Variants in SLC35E3 observed in about 807,000 individuals in gnomAD.
SLC35E3 encodes bladder cancer-overexpressed gene 1 protein.
In SLC35E3, 28 loss-of-function variants were observed where a neutral mutation model predicts 30.8. That is an observed-to-expected ratio of 0.91 (90% CI 0.67 to 1.25). The LOEUF (loss-of-function observed/expected upper bound fraction) is 1.25. Among genes scored for constraint, SLC35E3 ranks in the 50% most tolerant of loss-of-function variants. SLC35E3 has a pLI of 0.00. For synonymous variants in SLC35E3, 146 were observed against 149.2 expected (o/e 0.98, Z 0.16); for missense variants, 365 against 375.4 (o/e 0.97, Z 0.23).
rs1454808266 is a variant in SLC35E3, at chr12:68,770,281, C to T, written c.*5391C>T. ...AGATAGACCTCAGGCCATACAATAC[C>T]TGGAGGCTATGGTAAGCATCTTTAG... is the stretch of plus-strand genomic sequence containing the variant. On this transcript the variant is annotated 3_prime_UTR_variant, in exon 5 of 5. Transcript: ENST00000398004. 6.6e-6 allele frequency: 1 copy of T among 152,140 alleles called. No individual in the cohort carries two copies. The highest frequency in any genetic ancestry group is 1.5e-5 in the Non-Finnish European group (1 of 68,052). 9.4% of individuals were successfully genotyped at this position (152,140 alleles called of 1,614,324 possible). A position where few individuals can be genotyped will look rare whatever the true frequency, so the allele number is the denominator to read the frequency against.
intron 3 of SLC35E3, among the ~76,000 whole-genome samples, chr12:68,757,441 A>G (rs922407083): frequency 6.6e-6 from 1 of 152,186 alleles, no homozygotes; most frequent in Non-Finnish European, 1.5e-5. Flanking sequence ...TGATTCTATA[A>G]CTTTTTGGAT....
chr12:68,747,907 C>A, intron 1 of SLC35E3, 23 bp from the exon 2 acceptor site: 1 of 1,266,058 alleles, frequency 7.9e-7, no homozygotes, highest in Non-Finnish European at 1.1e-6. Context: ...ATCTGAACAA[C>A]ATTTACCTCT....
In SLC35E3 at chr12:68,773,286, A is replaced by G. The variant is rs761990556; in HGVS notation, c.*8396A>G. ...CCTTAATTCAGGAGGTGGGAGGCTC[A>G]AAATCAATTACTCTGTTGAGGAGAT... On this transcript the variant is annotated 3_prime_UTR_variant, in exon 5 of 5. Transcript: ENST00000398004. 3.3e-5 allele frequency: 5 copies of G among 152,240 alleles called. No homozygotes were observed. The highest frequency in any genetic ancestry group is 5.9e-5 in the Non-Finnish European group (4 of 68,070). The allele number at this position is 152,240 out of a possible 1,614,324, so 9.4% of individuals were successfully genotyped here. A position where few individuals can be genotyped will look rare whatever the true frequency, so the allele number is the denominator to read the frequency against.
Position 68,779,073 on chromosome 12 carries a change from T to A in SLC35E3, c.*14183T>A, listed in dbSNP as rs1490685974. 1 of 152,270 alleles carries A rather than the reference T, an allele frequency of 6.6e-6. No homozygotes were observed. Among genetic ancestry groups the A allele is most frequent in the Non-Finnish European group, 1.5e-5 (1 of 68,192 alleles). The allele number at this position is 152,270 out of a possible 1,614,324, so 9.4% of individuals were successfully genotyped here. A position where few individuals can be genotyped will look rare whatever the true frequency, so the allele number is the denominator to read the frequency against. Reference sequence around the variant, plus strand: ...TGAGCCACTGCACTCCAGACTGCATTCCAGCCTGGGCGACAGAACAAGACT... The same window carrying A: ...TGAGCCACTGCACTCCAGACTGCATACCAGCCTGGGCGACAGAACAAGACT... On this transcript the variant is annotated 3_prime_UTR_variant, in exon 5 of 5. Coordinates refer to ENST00000398004, the MANE Select transcript of SLC35E3 (RefSeq NM_018656.5).
intron 1 of SLC35E3, 45 bp downstream of exon 1, chr12:68,746,824 T>C: frequency 2.6e-6 from 4 of 1,519,218 alleles, no homozygotes; most frequent in Non-Finnish European, 2.6e-6. Flanking sequence ...CCGACCCACC[T>C]CCTGCACTGG....
Position 68,746,560 on chromosome 12 carries a change from C to T in SLC35E3, c.183C>T (p.Cys61=). The T allele has an allele frequency of 6.2e-7, 1 of 1,614,168 alleles. No individual in the cohort carries two copies. Among genetic ancestry groups the T allele is most frequent in the South Asian group, 1.1e-5 (1 of 91,082 alleles). ...FVVTWLGLYI[C]QKLDIFAPKS... ...TCACCTGGCTGGGCTTGTATATCTG[C>T]CAGAAGCTGGACATCTTTGCCCCCA... Residue 61 remains cysteine (C), a synonymous_variant, in exon 1 of 5, where the codon TGC becomes TGT. Transcript: ENST00000398004.
Position 68,769,700 on chromosome 12 carries a change from T to C in SLC35E3, c.*4810T>C. On this transcript the variant is annotated 3_prime_UTR_variant, in exon 5 of 5. Transcript: ENST00000398004. ...AAGAAAGGAGACCGGATTTATTAGA[T>C]GTGGTCCGTTTTGTCTTTCTGTTCC... 1 of 152,164 alleles carries C rather than the reference T, an allele frequency of 6.6e-6. No individual in the cohort carries two copies. Among genetic ancestry groups the C allele is most frequent in the Non-Finnish European group, 1.5e-5 (1 of 68,024 alleles). 9.4% of individuals were successfully genotyped at this position (152,164 alleles called of 1,614,324 possible). A position where few individuals can be genotyped will look rare whatever the true frequency, so the allele number is the denominator to read the frequency against.
At chr12:68,747,154 A>G (rs1356208542) in intron 1 of SLC35E3, among the ~76,000 whole-genome samples, 1 of 152,216 alleles carries the variant, frequency 6.6e-6, no homozygotes, top group African/African-American at 2.4e-5. Context: ...AAGATGTAGC[A>G]TAAAGTAGGT....
intron 3 of SLC35E3, among the ~76,000 whole-genome samples, chr12:68,756,374 C>A (rs1879005308): frequency 6.8e-6 from 1 of 147,016 alleles, no homozygotes; most frequent in Non-Finnish European, 1.5e-5. Flanking sequence ...GAAGGAAAGT[C>A]ATCTTCATTC....
chr12:68,761,609 T>G (rs1879234895), intron 4 of SLC35E3, among the ~76,000 whole-genome samples: 1 of 152,120 alleles, frequency 6.6e-6, no homozygotes, highest in East Asian at 1.9e-4. Context: ...CAACCAAAAA[T>G]GCCTCCAAAG....
rs1025235182 is a variant in SLC35E3 at position 68,765,178 on chromosome 12, C to G, written c.*288C>G. ...GGCTGAGGCAGGAGAATCACTTGAACCCGGGAGGCGGCGGTTGCAGTGAGC... is the reference window on the plus strand; with the variant it reads ...GGCTGAGGCAGGAGAATCACTTGAAGCCGGGAGGCGGCGGTTGCAGTGAGC... On this transcript the variant is annotated 3_prime_UTR_variant, in exon 5 of 5. Coordinates refer to ENST00000398004, the MANE Select transcript of SLC35E3 (RefSeq NM_018656.5). 1 of 196,124 alleles carries G rather than the reference C, an allele frequency of 5.1e-6. No homozygotes were observed. The highest frequency in any genetic ancestry group is 2.3e-5 in the African/African-American group (1 of 42,872). The allele number at this position is 196,124 out of a possible 1,614,324, so 12.1% of individuals were successfully genotyped here.
chr12:68,754,058 G>A (rs1434604821), intron 3 of SLC35E3, among the ~76,000 whole-genome samples: 1 of 152,018 alleles, frequency 6.6e-6, no homozygotes, highest in Non-Finnish European at 1.5e-5. Flanking sequence ...TCTTGGCCAG[G>A]ATGGTCTCAA....
intron 3 of SLC35E3, among the ~76,000 whole-genome samples, chr12:68,757,131 C>T (rs1879048967): frequency 6.6e-6 from 1 of 152,154 alleles, no homozygotes; most frequent in Non-Finnish European, 1.5e-5. Flanking sequence ...AAAGGACATA[C>T]CTTAATTTAA....
chr12:68,755,167 A>G (rs1462519892), intron 3 of SLC35E3, among the ~76,000 whole-genome samples: 2 of 152,300 alleles, frequency 1.3e-5, no homozygotes, highest in South Asian at 2.1e-4. Context: ...CCATTCATGA[A>G]GGCTCTGCCC....
intron 2 of SLC35E3, 63 bp downstream of exon 2, chr12:68,748,103 T>G: frequency 5.2e-6 from 5 of 957,962 alleles, no homozygotes; most frequent in Non-Finnish European, 8.4e-6. Context: ...GAAGCTGTAT[T>G]CCAAGGTTTA....
chr12:68,746,912 CTTTTAGGCTTA>C (rs1878604451), intron 1 of SLC35E3, 133 bp downstream of exon 1: 3 of 1,012,632 alleles, frequency 3.0e-6, no homozygotes, highest in South Asian at 3.5e-5. Flanking sequence ...GGCATGTGAA[CTTTTAGGCTTA>C]TTTTAGGGAG....
intron 2 of SLC35E3, among the ~76,000 whole-genome samples, chr12:68,749,935 G>C (rs998439307): frequency 6.6e-6 from 1 of 152,100 alleles, no homozygotes; most frequent in Non-Finnish European, 1.5e-5. Context: ...GGACTGACTT[G>C]ATCATTCCCC....
intron 3 of SLC35E3, among the ~76,000 whole-genome samples, chr12:68,756,571 T>C (rs940163917): frequency 3.1e-4 from 47 of 151,788 alleles, no homozygotes; most frequent in African/African-American, 1.1e-3. Flanking sequence ...AACAAAATAC[T>C]AGCTAACTGA....
chr12:68,757,703 T>C (rs1310531450), intron 3 of SLC35E3, among the ~76,000 whole-genome samples: 1 of 152,234 alleles, frequency 6.6e-6, no homozygotes, highest in Admixed American at 6.5e-5. Flanking sequence ...TTCTAAGCTC[T>C]TTGAGGGCAG....
Sources: gnomAD v4.1 joint callset for allele counts (sites outside exome capture counted in the v4.1 genomes callset) on GRCh38, gnomAD v4.1.1 for gene constraint, MANE v1.5 for transcripts, NCBI Gene and HGNC (gene_info 2026-07-23, HGNC 2026-07-21) for gene names.